The following CPNE9 variants were observed in gnomAD, a reference collection of about 807,000 sequenced individuals.
CPNE9 encodes the protein copine-9.
Under a neutral mutation model 83.0 loss-of-function variants are expected in CPNE9, and 59 were observed. The ratio of observed to expected loss-of-function variants is 0.71; its 90% CI spans 0.58 to 0.88. CPNE9 has a LOEUF of 0.88. CPNE9 is among the 40% of genes least tolerant of loss of function. The probability of loss-of-function intolerance (pLI) is 0.00; values close to 1 mark genes in which losing one functional copy is unlikely to be tolerated. For missense variants in CPNE9, 619 were observed against 720.8 expected, an observed-to-expected ratio of 0.86 and a Z score of 1.62; for synonymous variants, 256 against 273.4, an observed-to-expected ratio of 0.94 and a Z score of 0.63.
intron 7 of CPNE9, among the ~76,000 whole-genome samples, chr3:9,707,667 C>A (rs2125460536): frequency 6.6e-6 from 1 of 151,332 alleles, no homozygotes; most frequent in African/African-American, 2.4e-5. Context: ...CACTTGTAGT[C>A]CCAGCTACTT....
At position 9,704,450 on chromosome 3, in the gene CPNE9, A is replaced by AC. The variant is rs2076539289; in HGVS notation, c.69-133dup. 6 of 800,706 alleles carry AC rather than the reference A, an allele frequency of 7.5e-6. No individual in the cohort carries two copies. The highest frequency in any genetic ancestry group is 2.4e-5 in the East Asian group (1 of 41,164). 49.6% of individuals were successfully genotyped at this position (800,706 alleles called of 1,614,324 possible). On this transcript the variant is annotated intron_variant, in intron 1 of 20. Transcript: ENST00000383832. The surrounding 1 kb of genome is among the most constrained non-coding windows in gnomAD (Gnocchi z 7.1). ...GCTGTCCAGAGTGCTGACAGAGCGGACCCCGGCTGGGGGTAGCCATGGGGG... is the reference window on the plus strand; with the variant it reads ...GCTGTCCAGAGTGCTGACAGAGCGGACCCCCGGCTGGGGGTAGCCATGGGGG...
chr3:9,707,941 T>C (rs2125460793), intron 7 of CPNE9, among the ~76,000 whole-genome samples: 1 of 152,176 alleles, frequency 6.6e-6, no homozygotes, highest in South Asian at 2.1e-4. Flanking sequence ...GATGTTGGTT[T>C]TGTTGTTGTT....
rs550673595 is a variant in CPNE9 at position 9,715,675 on chromosome 3, TTTTC to T, written c.822+153_822+156del. The T allele has an allele frequency of 3.1e-5, 22 of 705,648 alleles. No homozygotes were observed. The Admixed American group carries it at 4.0e-4, about 13-fold the overall frequency. The allele number at this position is 705,648 out of a possible 1,614,324, so 43.7% of individuals were successfully genotyped here. On this transcript the variant is annotated intron_variant, in intron 13 of 20. Coordinates refer to ENST00000383832, the MANE Select transcript of CPNE9 (RefSeq NM_153635.3). ...TGGGCACAAGGAGCACCACTTAAGT[TTTTC>T]TTTGTTTTTTTTCTCACTCAGGAAA...
At chr3:9,714,266 G>A (rs1408054113) in intron 10 of CPNE9, among the ~76,000 whole-genome samples, 1 of 152,174 alleles carries the variant, frequency 6.6e-6, no homozygotes, top group Non-Finnish European at 1.5e-5. Flanking sequence ...ATGGCTAGAT[G>A]TATAGTTAGG....
At chr3:9,716,559 C>T (rs2125469177) in intron 14 of CPNE9, among the ~76,000 whole-genome samples, 1 of 152,216 alleles carries the variant, frequency 6.6e-6, no homozygotes, top group South Asian at 2.1e-4. Context: ...CAACCTCCGC[C>T]TCCCAGGTTC....
Position 9,715,362 on chromosome 3 carries a change from G to A in CPNE9, c.766G>A (p.Glu256Lys). The A allele has an allele frequency of 1.2e-6, 2 of 1,614,208 alleles. No individual in the cohort carries two copies. The highest frequency in any genetic ancestry group is 1.7e-5 in the Admixed American group (1 of 60,024). ...SKAQNQFTVY[E>K]VLNPRKKCKK... The stretch of plus-strand genomic sequence containing the variant: ...GGCCCAGAACCAGTTCACAGTATAT[G>A]AGGTGAGCATTCCAGCCCTGCCCAG... The change falls in exon 12 of 21, where the codon GAG (glutamate) becomes AAG (lysine). Residue 256 changes from glutamate (E) to lysine (K), a missense_variant and splice_region_variant. By Grantham distance (56) the Glu-to-Lys change is moderately conservative. Transcript: ENST00000383832.
chr3:9,715,624 G>A, intron 13 of CPNE9, 98 bp downstream of exon 13: 3 of 1,024,512 alleles, frequency 2.9e-6, no homozygotes, highest in Non-Finnish European at 4.6e-6. Flanking sequence ...AAGACAGTGG[G>A]CACAGATTAC....
chr3:9,720,075 T>TA (rs1379924015), intron 17 of CPNE9, among the ~76,000 whole-genome samples: 3 of 151,262 alleles, frequency 2.0e-5, no homozygotes, highest in Non-Finnish European at 4.4e-5. Flanking sequence ...TCAAATGGCT[T>TA]AAAAAACCAG....
At chr3:9,728,362 G>A (rs1575136712) in intron 20 of CPNE9, among the ~76,000 whole-genome samples, 2 of 152,186 alleles carry the variant, frequency 1.3e-5, no homozygotes, top group Admixed American at 1.3e-4. Context: ...GGTGGCTCAC[G>A]CTTGTAATCC....
In CPNE9 at chr3:9,718,086, A is replaced by G. The variant is rs560497816; in HGVS notation, c.989A>G (p.Tyr330Cys). 6.2e-7 allele frequency: 1 copy of G among 1,614,140 alleles called. No individual in the cohort carries two copies. The highest frequency in any genetic ancestry group is 8.5e-7 in the Non-Finnish European group (1 of 1,179,980). Residue 330 changes from tyrosine (Y) to cysteine (C), a missense_variant, in exon 16 of 21, where the codon TAT (tyrosine) becomes TGT (cysteine). This residue lies in a region of CPNE9 where 438 missense variants were observed against 562.9 expected (regional missense o/e 0.78). Transcript: ENST00000383832. The part of the protein sequence containing the change: ...HYMSPYQLSA[Y>C]AMALKAVGEI... Reference sequence around the variant, plus strand: ...ATGAGTCCCTACCAGCTCAGCGCCTATGCCATGGCCCTCAAGGCAGTGGGA... The same window carrying G: ...ATGAGTCCCTACCAGCTCAGCGCCTGTGCCATGGCCCTCAAGGCAGTGGGA...
chr3:9,704,551 G>A lies in CPNE9; in HGVS notation c.69-36G>A, dbSNP rs776392815. The A allele has an allele frequency of 1.9e-6, 3 of 1,594,006 alleles. No homozygotes were observed. The highest frequency in any genetic ancestry group is 2.6e-6 in the Non-Finnish European group (3 of 1,161,728). ...CCGACTCGAGGCGGGCGGACTCCAG[G>A]ATGATCCACTCTGTCTGTCTGTTGC... On this transcript the variant is annotated intron_variant, in intron 1 of 20. Coordinates refer to ENST00000383832, the MANE Select transcript of CPNE9 (RefSeq NM_153635.3). This position sits in a 1 kb window ranked among gnomAD's most constrained non-coding sequence, Gnocchi z 7.1.
rs1427146960 is a variant in CPNE9 at position 9,714,763 on chromosome 3, T to C, written c.651-151T>C. On this transcript the variant is annotated intron_variant, in intron 10 of 20. Coordinates refer to ENST00000383832, the MANE Select transcript of CPNE9 (RefSeq NM_153635.3). ...GTACAGGCACAGACTGATGAATGAATAGACAGGATGGGAGGCAGGTTGAAA... is the reference window on the plus strand; with the variant it reads ...GTACAGGCACAGACTGATGAATGAACAGACAGGATGGGAGGCAGGTTGAAA... The C allele has an allele frequency of 6.6e-6, 4 of 610,306 alleles. No homozygotes were observed. In the East Asian group the frequency reaches 8.6e-5, roughly 13 times the overall value. 37.8% of individuals were successfully genotyped at this position (610,306 alleles called of 1,614,324 possible). A position where few individuals can be genotyped will look rare whatever the true frequency, so the allele number is the denominator to read the frequency against.
chr3:9,705,563 A>T, intron 5 of CPNE9, 63 bp downstream of exon 5: 3 of 1,577,246 alleles, frequency 1.9e-6, no homozygotes, highest in South Asian at 2.2e-5. Context: ...GTGTTCAACG[A>T]CTCTCAGAAC....
At chr3:9,715,420 T>G (rs1180713080) in intron 12 of CPNE9, 53 bp from the exon 13 acceptor site, 16 of 1,611,610 alleles carry the variant, frequency 9.9e-6, no homozygotes, top group Non-Finnish European at 1.4e-5. Flanking sequence ...GTGTGCTCAG[T>G]CTGGACCTCC....
rs372836258 is a variant in CPNE9, at chr3:9,729,640, G to T, written c.1610G>T (p.Arg537Leu). 3 of 1,613,778 alleles carry T rather than the reference G, an allele frequency of 1.9e-6. No homozygotes were observed. Among genetic ancestry groups the T allele is most frequent in the African/African-American group, 2.7e-5 (2 of 74,828 alleles). ...SYMRTRDIQP[R>L]PPPPANPSPI... ...ATGCGCACCAGAGACATCCAGCCTC[G>T]GCCCCCACCCCCTGCCAACCCCAGC... The change falls in exon 21 of 21, where the codon CGG (arginine) becomes CTG (leucine). Residue 537 changes from arginine (R) to leucine (L), a missense_variant. Around this residue, in one of 3 missense-constraint regions of CPNE9, gnomAD observed 51 missense variants for 40.4 expected, o/e 1.26. Coordinates refer to ENST00000383832, the MANE Select transcript of CPNE9 (RefSeq NM_153635.3).
Position 9,720,448 on chromosome 3 carries a change from C to A in CPNE9, c.1241+1846C>A, listed in dbSNP as rs138581982. Among the ~76,000 whole-genome samples the A allele has an allele frequency of 2.4e-3, 363 of 151,970 alleles. 1 individual carries two copies. Among genetic ancestry groups the A allele is most frequent in the Middle Eastern group, 6.8e-3 (2 of 294 alleles). ...CATAACAAACTTGAGACATGTGACA[C>A]ATGGGGGTTTGTTGTACAGATTATT... On this transcript the variant is annotated intron_variant, in intron 17 of 20. Coordinates refer to ENST00000383832, the MANE Select transcript of CPNE9 (RefSeq NM_153635.3).
chr3:9,729,418 C>A, intron 20 of CPNE9, 89 bp from the exon 21 acceptor site: 1 of 1,485,682 alleles, frequency 6.7e-7, no homozygotes, highest in Non-Finnish European at 9.0e-7. Flanking sequence ...GAAAGAGATG[C>A]TGGGGATCAA....
chr3:9,705,011 A>C lies in CPNE9; in HGVS notation c.260+17A>C, dbSNP rs763236010. On this transcript the variant is annotated intron_variant, in intron 4 of 20. Coordinates refer to ENST00000383832, the MANE Select transcript of CPNE9 (RefSeq NM_153635.3). ...CTTCGATGTGTGAGGCCCCGCCTGG[A>C]ATTCTGGCTTGGCCCGCCCCCGACC... The C allele has an allele frequency of 2.5e-5, 40 of 1,584,290 alleles. No individual in the cohort carries two copies. The highest frequency in any genetic ancestry group is 3.5e-5 in the Admixed American group (2 of 57,944).
At chr3:9,709,367 T>A (rs1438658708) in intron 7 of CPNE9, among the ~76,000 whole-genome samples, 1 of 147,312 alleles carries the variant, frequency 6.8e-6, no homozygotes, top group Non-Finnish European at 1.5e-5. Flanking sequence ...GTTTATAATT[T>A]TTTTTTTTTT....
Sources: allele counts gnomAD v4.1 joint callset (sites outside exome capture counted in the v4.1 genomes callset), GRCh38; gene constraint gnomAD v4.1.1; regional missense constraint gnomAD v4.1.1; non-coding constraint Gnocchi (gnomAD v3.1); transcripts MANE v1.5; gene names NCBI Gene and HGNC (gene_info 2026-07-23, HGNC 2026-07-21).